ADAR: variants seen among roughly 807,000 people sequenced by gnomAD.
The protein encoded by ADAR is adenosine deaminase RNA specific, also known as double-stranded RNA-specific adenosine deaminase.
Under a neutral mutation model 113.2 loss-of-function variants are expected in ADAR, and 41 were observed. The ratio of observed to expected loss-of-function variants is 0.36; its 90% CI spans 0.28 to 0.47. ADAR has a LOEUF of 0.47. Ranked by LOEUF, ADAR falls within the 20% of genes least tolerant of loss-of-function variation. ADAR has a pLI of 1.00. For missense variants in ADAR, 1,242 were observed against 1,540.9 expected, an observed-to-expected ratio of 0.81 and a Z score of 3.25; for synonymous variants, 605 against 572.6, an observed-to-expected ratio of 1.06 and a Z score of -0.81.
chr1:154,604,838 G>C (rs1698092577), intron 1 of ADAR, among the ~76,000 whole-genome samples: 1 of 152,148 alleles, frequency 6.6e-6, no homozygotes. Flanking sequence ...TCTGAAGCAA[G>C]AGCACTCAAA....
chr1:154,597,013 A>G lies in ADAR; in HGVS notation c.2080-18T>C, dbSNP rs1294919751. ...CCTTCAGGCTAAAGGAGAATCCATC[A>G]AACAGAGGAGCCATAAACACTTCAG... is the stretch of plus-strand genomic sequence containing the variant. On this transcript the variant is annotated intron_variant, in intron 5 of 14. Transcript: ENST00000368474. The G allele has an allele frequency of 6.2e-7, 1 of 1,614,028 alleles. No individual in the cohort carries two copies. The highest frequency in any genetic ancestry group is 1.3e-5 in the African/African-American group (1 of 74,934).
At position 154,584,709 on chromosome 1, in the gene ADAR, A is replaced by AAAAAAAAAGGAG; in HGVS notation, c.*96_*97insCTCCTTTTTTTT. 9.1e-7 allele frequency: 1 copy of AAAAAAAAAGGAG among 1,096,744 alleles called. No homozygotes were observed. Among genetic ancestry groups the AAAAAAAAAGGAG allele is most frequent in the Non-Finnish European group, 1.3e-6 (1 of 742,302 alleles). 67.9% of individuals were successfully genotyped at this position (1,096,744 alleles called of 1,614,324 possible). On this transcript the variant is annotated 3_prime_UTR_variant, in exon 15 of 15. Coordinates refer to ENST00000368474, the MANE Select transcript of ADAR (RefSeq NM_001111.5). Reference sequence around the variant, plus strand: ...TGGCTTAAAAAGAAAAAAAAAGGAGAAAAAAAAATCCCCTGACCATGTGAT... The same window carrying AAAAAAAAAGGAG: ...TGGCTTAAAAAGAAAAAAAAAGGAGAAAAAAAAAGGAGAAAAAAAATCCCCTGACCATGTGAT...
In ADAR at chr1:154,584,766, C is replaced by G. The variant is rs1696633769; in HGVS notation, c.*40G>C. ...TGCTACGACCTACCTCTCTCACACC[C>G]TAGTATGACACACCCTAATCCATCT... On this transcript the variant is annotated 3_prime_UTR_variant, in exon 15 of 15. Coordinates refer to ENST00000368474, the MANE Select transcript of ADAR (RefSeq NM_001111.5). 2.6e-6 allele frequency: 4 copies of G among 1,528,316 alleles called. No individual in the cohort carries two copies. In the African/African-American group the frequency reaches 4.1e-5, roughly 16 times the overall value. 94.7% of individuals were successfully genotyped at this position (1,528,316 alleles called of 1,614,324 possible).
intron 1 of ADAR, among the ~76,000 whole-genome samples, chr1:154,623,786 T>C (rs1245304055): frequency 6.6e-6 from 1 of 152,096 alleles, no homozygotes; most frequent in Admixed American, 6.5e-5. Flanking sequence ...GTGGATCACC[T>C]GAGGTCAGGA....
At chr1:154,595,523 A>T (rs1438525389) in intron 6 of ADAR, among the ~76,000 whole-genome samples, 4 of 152,208 alleles carry the variant, frequency 2.6e-5, no homozygotes, top group Admixed American at 2.0e-4. Context: ...AAAAAAATTT[A>T]CAAACAGAAA....
At chr1:154,627,210 G>A (rs1303108208) in intron 1 of ADAR, among the ~76,000 whole-genome samples, 1 of 152,198 alleles carries the variant, frequency 6.6e-6, no homozygotes, top group East Asian at 1.9e-4. Context: ...CTCTAGTGGG[G>A]CCCCCAAATC....
chr1:154,602,060 C>A lies in ADAR; in HGVS notation c.582G>T (p.Leu194Phe), dbSNP rs762045154. The change falls in exon 2 of 15, where the codon TTG (leucine) becomes TTT (phenylalanine). Residue 194 changes from leucine to phenylalanine, a missense_variant. Leu to Phe is a conservative substitution (Grantham distance 22). Transcript: ENST00000368474. ...KLQKEAGTPP[L>F]WKIAVSTQAW... ...CCTGAGTGGAGACCGCGATTTTCCA[C>A]AAAGGGGGTGTTCCTGCCTCTTTCT... 2.5e-6 allele frequency: 4 copies of A among 1,614,246 alleles called. No individual in the cohort carries two copies. Among genetic ancestry groups the A allele is most frequent in the Non-Finnish European group, 3.4e-6 (4 of 1,180,044 alleles).
intron 2 of ADAR, 73 bp from the exon 3 acceptor site, chr1:154,598,658 A>C: frequency 1.3e-6 from 2 of 1,531,346 alleles, no homozygotes; most frequent in South Asian, 1.1e-5. Context: ...AGAGACCTTC[A>C]ACCTGGAATT....
In ADAR at chr1:154,602,306, T is replaced by A; in HGVS notation, c.336A>T (p.Ser112=). Reference sequence around the variant, plus strand: ...TCTGTGGCAGACTCCTGCCACGTGGTGAAGGATGCTGGAACCCTCTCTGGA... The same window carrying A: ...TCTGTGGCAGACTCCTGCCACGTGGAGAAGGATGCTGGAACCCTCTCTGGA... ...QGLQRGFQHP[S]PRGRSLPQRG... The change falls in exon 2 of 15, where the codon TCA becomes TCT. Residue 112 remains serine (S), a synonymous_variant. Transcript: ENST00000368474. 6.2e-7 allele frequency: 1 copy of A among 1,613,638 alleles called. No homozygotes were observed. Among genetic ancestry groups the A allele is most frequent in the Non-Finnish European group, 8.5e-7 (1 of 1,179,760 alleles).
At chr1:154,610,808 C>CAAAAAAAAAAAAAAAAAAAAA (rs1369386387), upstream of ADAR, among the ~76,000 whole-genome samples, 7 of 40,556 alleles carry the variant, frequency 1.7e-4, no homozygotes, top group Non-Finnish European at 4.6e-4. Context: ...GACACCGTCT[C>CAAAAAAAAAAAAAAAAAAAAA]AAAAAAAAAA....
intron 1 of ADAR, among the ~76,000 whole-genome samples, chr1:154,617,705 T>G (rs1461902103): frequency 6.6e-6 from 1 of 152,206 alleles, no homozygotes; most frequent in East Asian, 1.9e-4. Flanking sequence ...ACAGTGTAAG[T>G]ATACATTTAA....
chr1:154,597,852 T>C lies in ADAR; in HGVS notation c.1910A>G (p.Lys637Arg), dbSNP rs886045341. ...GNSCEFRLLS[K>R]EGPAHEPKFQ... ...CTTGGGTTCATGGGCAGGGCCTTCT[T>C]TGGACAGGAGACGGAATTCGCAGGA... The change falls in exon 4 of 15, where the codon AAA becomes AGA. Residue 637 changes from lysine (K) to arginine (R), a missense_variant. Lys to Arg is a conservative substitution (Grantham distance 26). This residue lies in a region of ADAR where 780 missense variants were observed against 1,057.9 expected (regional missense o/e 0.74). Transcript: ENST00000368474. The C allele has an allele frequency of 2.5e-6, 4 of 1,614,116 alleles. No individual in the cohort carries two copies. Among genetic ancestry groups the C allele is most frequent in the Non-Finnish European group, 3.4e-6 (4 of 1,180,028 alleles).
At chr1:154,590,141 A>AGGC in intron 7 of ADAR, 43 bp downstream of exon 7, 2 of 760,858 alleles carry the variant, frequency 2.6e-6, no homozygotes, top group Non-Finnish European at 4.4e-6. Flanking sequence ...AGTTAGGAGG[A>AGGC]CCCCCCCGCC....
intron 1 of ADAR, among the ~76,000 whole-genome samples, chr1:154,615,328 T>C (rs1698603178): frequency 6.6e-6 from 1 of 152,206 alleles, no homozygotes; most frequent in Admixed American, 6.5e-5. Context: ...CTAGGCGAGA[T>C]AGGAGTTTCT....
At chr1:154,588,416 G>C in intron 10 of ADAR, 135 bp downstream of exon 10, 1 of 1,494,840 alleles carries the variant, frequency 6.7e-7, no homozygotes, top group Non-Finnish European at 9.2e-7. Context: ...ATCTACACCT[G>C]AATATGGACC....
In ADAR at chr1:154,584,998, A is replaced by G; in HGVS notation, c.3489T>C (p.Leu1163=). The change falls in exon 15 of 15, where the codon CTT becomes CTC. Residue 1163 remains leucine (L), a synonymous_variant. Transcript: ENST00000368474. ...LSRVSKKNIF[L]LFKKLCSFRY... ...GGAAGGAGCAGAGCTTCTTAAATAG[A>G]AGAAAAATGTTCTTTTTGGAGACCC... The G allele has an allele frequency of 6.2e-7, 1 of 1,614,122 alleles. No individual in the cohort carries two copies. Among genetic ancestry groups the G allele is most frequent in the Non-Finnish European group, 8.5e-7 (1 of 1,180,042 alleles).
upstream of ADAR, among the ~76,000 whole-genome samples, chr1:154,612,318 GTTTTTTTTTTTT>G (rs55714254): frequency 7.5e-3 from 516 of 69,228 alleles, 2 homozygotes; most frequent in Non-Finnish European, 0.01. Context: ...AAATTACTCA[GTTTTTTTTTTTT>G]TTTTTTTTTT....
At position 154,601,696 on chromosome 1, in the gene ADAR, G is replaced by C. The variant is rs776303666; in HGVS notation, c.946C>G (p.Leu316Val). 8 of 1,614,182 alleles carry C rather than the reference G, an allele frequency of 5.0e-6. 1 individual carries two copies. The South Asian group carries it at 8.8e-5, about 18-fold the overall frequency. The change falls in exon 2 of 15, where the codon CTG (leucine) becomes GTG (valine). Residue 316 changes from leucine to valine, a missense_variant. Physicochemically the swap from Leu to Val is conservative, Grantham distance 32. Transcript: ENST00000368474. This position sits in a 1 kb window ranked among gnomAD's most constrained non-coding sequence, Gnocchi z 4.7. ...YLFNVSDSSA[L>V]NLAKNIGLTK... The stretch of plus-strand genomic sequence containing the variant: ...AGGCCAATATTTTTAGCCAAATTCA[G>C]GGCAGAGGAGTCAGACACATTGAAG...
At chr1:154,608,208 G>C (rs1049643570), upstream of ADAR, 1 of 607,036 alleles carries the variant, frequency 1.6e-6, no homozygotes, top group Non-Finnish European at 2.7e-6. Flanking sequence ...CGTTTCCTCG[G>C]AAAGCCTTCC....
Sources: gnomAD v4.1 joint callset for allele counts (sites outside exome capture counted in the v4.1 genomes callset) on GRCh38, gnomAD v4.1.1 for gene constraint, gnomAD v4.1.1 regional missense constraint, Gnocchi (gnomAD v3.1) non-coding constraint, MANE v1.5 for transcripts, NCBI Gene and HGNC (gene_info 2026-07-23, HGNC 2026-07-21) for gene names.